Variants in KIF2A observed in about 807,000 individuals in gnomAD.
KIF2A encodes kinesin family member 2A, also known as kinesin-like protein KIF2A.
In KIF2A, 22 loss-of-function variants were observed where a neutral mutation model predicts 100.2. The observed-to-expected ratio is 0.22, with a 90% CI of 0.16 to 0.31. The LOEUF (loss-of-function observed/expected upper bound fraction) is 0.31, where lower values mean the gene tolerates loss of function less well. KIF2A is among the 10% of genes least tolerant of loss of function. The pLI is 1.00. For synonymous variants in KIF2A, 268 were observed against 285.9 expected (o/e 0.94, Z 0.63); for missense variants, 495 against 898.7 (o/e 0.55, Z 5.74).
chr5:62,389,758 T>G lies in KIF2A; in HGVS notation c.*4189T>G, dbSNP rs1233224229. On this transcript the variant is annotated 3_prime_UTR_variant, in exon 21 of 21. Transcript: ENST00000407818. Reference sequence around the variant, plus strand: ...TCCTCTCTTGAGCTGTTGTTTATATTCAAATTAAATACACATTGTTTCTCT... The same window carrying G: ...TCCTCTCTTGAGCTGTTGTTTATATGCAAATTAAATACACATTGTTTCTCT... Among the ~76,000 whole-genome samples the G allele has an allele frequency of 6.6e-6, 1 of 152,112 alleles. No homozygotes were observed. Among genetic ancestry groups the G allele is most frequent in the South Asian group, 2.1e-4 (1 of 4,834 alleles).
intron 1 of KIF2A, among the ~76,000 whole-genome samples, chr5:62,322,409 G>A (rs1746145414): frequency 6.6e-6 from 1 of 151,472 alleles, no homozygotes; most frequent in African/African-American, 2.4e-5. Context: ...TTTTTCTTTT[G>A]TTGCTTTTGC....
chr5:62,384,786 G>A, intron 20 of KIF2A, among the ~76,000 whole-genome samples: 1 of 151,924 alleles, frequency 6.6e-6, no homozygotes. Flanking sequence ...TCCTCACAGT[G>A]AGGACAAAAT....
intron 7 of KIF2A, among the ~76,000 whole-genome samples, chr5:62,355,477 C>T (rs555298543): frequency 2.6e-5 from 4 of 152,200 alleles, no homozygotes; most frequent in African/African-American, 7.2e-5. Context: ...ATGTCCTTCT[C>T]GAAGCAAAAC....
rs79591566 is a variant in KIF2A at position 62,378,898 on chromosome 5, G to A, written c.2013+1136G>A. On this transcript the variant is annotated intron_variant, in intron 19 of 20. Transcript: ENST00000407818. ...CCACTGCACTCCAGCCTGGGCAACA[G>A]AGTGAGAAAAAAACAAAAACTCTAG... is the stretch of plus-strand genomic sequence containing the variant. Among the ~76,000 whole-genome samples, 598 of 152,200 alleles carry A rather than the reference G, an allele frequency of 3.9e-3. 18 individuals carry two copies. The highest frequency in any genetic ancestry group is 0.035 in the Admixed American group (531 of 15,292).
intron 1 of KIF2A, among the ~76,000 whole-genome samples, chr5:62,339,224 A>C (rs1747139399): frequency 6.6e-6 from 1 of 152,096 alleles, no homozygotes. Context: ...GGGAGATGCC[A>C]CACACTTTTA....
intron 4 of KIF2A, among the ~76,000 whole-genome samples, chr5:62,352,373 A>C (rs1305173126): frequency 6.6e-6 from 1 of 152,092 alleles, no homozygotes; most frequent in African/African-American, 2.4e-5. Flanking sequence ...CTAAGTCTGC[A>C]CGTATTACTT....
intron 1 of KIF2A, among the ~76,000 whole-genome samples, chr5:62,326,364 G>C (rs1372910576): frequency 6.6e-6 from 1 of 151,940 alleles, no homozygotes; most frequent in African/African-American, 2.4e-5. Context: ...CCTTGAGGAT[G>C]TTTGCTCCTG....
chr5:62,367,654 A>T (rs977714674), intron 16 of KIF2A, among the ~76,000 whole-genome samples: 6 of 152,302 alleles, frequency 3.9e-5, no homozygotes, highest in Middle Eastern at 3.4e-3. Flanking sequence ...GTTTTTACAG[A>T]TAGAAGGACA....
chr5:62,377,129 A>G (rs1741583833), intron 18 of KIF2A, among the ~76,000 whole-genome samples: 1 of 151,952 alleles, frequency 6.6e-6, no homozygotes, highest in South Asian at 2.1e-4. Context: ...AAATTTCTAT[A>G]AAAACTGGTA....
chr5:62,328,763 A>G (rs1309604128), intron 1 of KIF2A, among the ~76,000 whole-genome samples: 4 of 152,136 alleles, frequency 2.6e-5, no homozygotes, highest in African/African-American at 9.7e-5. Flanking sequence ...AGGTGCTGTG[A>G]TTACAGGCGT....
intron 20 of KIF2A, among the ~76,000 whole-genome samples, chr5:62,383,381 T>C (rs1475931964): frequency 1.3e-5 from 2 of 151,832 alleles, no homozygotes; most frequent in Non-Finnish European, 1.5e-5. Context: ...TAGCTGGGAC[T>C]ACAGGCGCCC....
At position 62,340,662 on chromosome 5, in the gene KIF2A, T is replaced by C. The variant is rs1747248213; in HGVS notation, c.65-6468T>C. On this transcript the variant is annotated intron_variant, in intron 1 of 20. Transcript: ENST00000407818. ...GTTATGCCTGTATGTTGTCACCATA[T>C]CATGATTTTTTCCTTTGAAAAATTT... Among the ~76,000 whole-genome samples, 3 of 152,234 alleles carry C rather than the reference T, an allele frequency of 2.0e-5. 1 individual carries two copies. The highest frequency in any genetic ancestry group is 4.1e-4 in the South Asian group (2 of 4,828).
At chr5:62,335,241 G>A (rs895989204) in intron 1 of KIF2A, among the ~76,000 whole-genome samples, 2 of 152,238 alleles carry the variant, frequency 1.3e-5, no homozygotes, top group Admixed American at 6.5e-5. Flanking sequence ...TGGAGTTGGG[G>A]CTAGGGCTAG....
Position 62,366,429 on chromosome 5 carries a change from C to A in KIF2A, c.1594C>A (p.Pro532Thr). The change falls in exon 16 of 21, where the codon CCA becomes ACA. Residue 532 changes from proline (P) to threonine (T), a missense_variant. By Grantham distance (38) the Pro-to-Thr change is conservative. This residue lies in a region of KIF2A where 100 missense variants were observed against 138.2 expected (regional missense o/e 0.72). Coordinates refer to ENST00000407818, the MANE Select transcript of KIF2A (RefSeq NM_001098511.3). ...TTTCCTGTAGATTGCCACAATCTCT[C>A]CAGGAATGGCATCCTGTGAAAATAC... is the stretch of plus-strand genomic sequence containing the variant. ...SRTCMIATIS[P>T]GMASCENTLN... 2 of 1,577,644 alleles carry A rather than the reference C, an allele frequency of 1.3e-6. No individual in the cohort carries two copies. Among genetic ancestry groups the A allele is most frequent in the Non-Finnish European group, 8.6e-7 (1 of 1,157,422 alleles).
chr5:62,389,549 C>G lies in KIF2A; in HGVS notation c.*3980C>G, dbSNP rs1378814451. Among the ~76,000 whole-genome samples the G allele has an allele frequency of 3.3e-5, 5 of 149,510 alleles. No individual in the cohort carries two copies. The highest frequency in any genetic ancestry group is 5.0e-5 in the African/African-American group (2 of 40,350). On this transcript the variant is annotated 3_prime_UTR_variant, in exon 21 of 21. Transcript: ENST00000407818. ...TTTATAAGATATGTATTGGTTAAAA[C>G]CATGCCATGTTGGTGCCTCTTTCAT...
At chr5:62,318,372 C>T (rs1216331121) in intron 1 of KIF2A, among the ~76,000 whole-genome samples, 3 of 152,174 alleles carry the variant, frequency 2.0e-5, no homozygotes, top group Admixed American at 6.5e-5. Context: ...TGAGCCACTG[C>T]GCCCGGCCAT....
intron 3 of KIF2A, among the ~76,000 whole-genome samples, chr5:62,348,443 A>G (rs1351142420): frequency 8.5e-5 from 13 of 152,092 alleles, no homozygotes; most frequent in African/African-American, 1.2e-4. Context: ...GATCAAAACC[A>G]TTTGCTTGGT....
At position 62,362,508 on chromosome 5, in the gene KIF2A, A is replaced by G. The variant is rs1748456953; in HGVS notation, c.1086A>G (p.Val362=). The G allele has an allele frequency of 1.4e-6, 2 of 1,459,658 alleles. No individual in the cohort carries two copies. The highest frequency in any genetic ancestry group is 1.6e-5 in the South Asian group (1 of 62,300). 90.4% of individuals were successfully genotyped at this position (1,459,658 alleles called of 1,614,324 possible). The part of the protein sequence containing the change: ...KPNYKKLELQ[V]YATFFEIYSG... ...ACTATAAGAAGCTAGAACTTCAAGT[A>G]TATGCAACCTTCTTTGAAATTTATA... The change falls in exon 12 of 21, where the codon GTA becomes GTG. Residue 362 remains valine, a synonymous_variant. Coordinates refer to ENST00000407818, the MANE Select transcript of KIF2A (RefSeq NM_001098511.3).
rs1748392275 is a variant in KIF2A, at chr5:62,361,293, A to G, written c.924A>G (p.Thr308=). 1 of 1,609,410 alleles carries G rather than the reference A, an allele frequency of 6.2e-7. No individual in the cohort carries two copies. Among genetic ancestry groups the G allele is most frequent in the East Asian group, 2.2e-5 (1 of 44,716 alleles). ...VETIFERGMA[T]CFAYGQTGSG... Reference sequence around the variant, plus strand: ...CTATATTTGAAAGGGGAATGGCTACATGCTTTGCTTATGGGCAGACTGGAA... The same window carrying G: ...CTATATTTGAAAGGGGAATGGCTACGTGCTTTGCTTATGGGCAGACTGGAA... Residue 308 remains threonine, a synonymous_variant, in exon 10 of 21, where the codon ACA becomes ACG. Coordinates refer to ENST00000407818, the MANE Select transcript of KIF2A (RefSeq NM_001098511.3).
Sources: allele counts gnomAD v4.1 joint callset (sites outside exome capture counted in the v4.1 genomes callset), GRCh38; gene constraint gnomAD v4.1.1; regional missense constraint gnomAD v4.1.1; transcripts MANE v1.5; gene names NCBI Gene and HGNC (gene_info 2026-07-23, HGNC 2026-07-21).